CAB39L: variants seen among roughly 807,000 people sequenced by gnomAD.
CAB39L encodes calcium-binding protein 39-like.
CAB39L carries 23 observed loss-of-function variants against 39.1 expected under a neutral mutation model. The observed-to-expected ratio is 0.59, with a 90% CI of 0.42 to 0.83. CAB39L has a LOEUF of 0.83. Among genes scored for constraint, CAB39L ranks in the 40% least tolerant of loss-of-function variants. The pLI is 0.00. For synonymous variants in CAB39L, 126 were observed against 137.2 expected (o/e 0.92, Z 0.57); for missense variants, 366 against 391.9 (o/e 0.93, Z 0.56).
chr13:49,338,998 T>C (rs572457555), intron 9 of CAB39L, among the ~76,000 whole-genome samples: 33 of 152,224 alleles, frequency 2.2e-4, no homozygotes, highest in African/African-American at 7.9e-4. Flanking sequence ...CCCCATAACA[T>C]TTCAACTATA....
In CAB39L at chr13:49,433,405, A is replaced by T. The variant is rs1400012924; in HGVS notation, c.-107-12T>A. ...GATCACCACAGCTTCTGACAAAAAG[A>T]AAAGCTTTAAAATTAATTTTTAAAG... On this transcript the variant is annotated splice_polypyrimidine_tract_variant and intron_variant, in intron 2 of 10. Transcript: ENST00000409308. 1 of 449,798 alleles carries T rather than the reference A, an allele frequency of 2.2e-6. No homozygotes were observed. Among genetic ancestry groups the T allele is most frequent in the Non-Finnish European group, 4.4e-6 (1 of 225,276 alleles). 27.9% of individuals were successfully genotyped at this position (449,798 alleles called of 1,614,324 possible).
chr13:49,378,609 G>A (rs1956165920), intron 4 of CAB39L, among the ~76,000 whole-genome samples: 1 of 71,426 alleles, frequency 1.4e-5, no homozygotes. Flanking sequence ...CCTCCGCCCG[G>A]CCAGCCGCCC....
At chr13:49,351,716 G>T (rs756703352) in intron 6 of CAB39L, among the ~76,000 whole-genome samples, 45 of 152,202 alleles carry the variant, frequency 3.0e-4, no homozygotes, top group Non-Finnish European at 5.1e-4. Context: ...CGGGGGCTTG[G>T]CCTGGGGTGG....
chr13:49,325,147 T>C (rs775422160), intron 10 of CAB39L, among the ~76,000 whole-genome samples: 6 of 152,230 alleles, frequency 3.9e-5, no homozygotes, highest in Non-Finnish European at 7.3e-5. Context: ...GTTGATTGTT[T>C]TATGAATTTT....
intron 3 of CAB39L, among the ~76,000 whole-genome samples, chr13:49,405,757 G>C (rs9535224): frequency 0.32 from 40,779 of 126,376 alleles, 7,318 homozygotes; most frequent in Middle Eastern, 0.44. Flanking sequence ...AAGGGAGGGA[G>C]GGACGGAGGG....
At chr13:49,326,385 A>G (rs1954497278) in intron 10 of CAB39L, among the ~76,000 whole-genome samples, 1 of 152,176 alleles carries the variant, frequency 6.6e-6, no homozygotes, top group Non-Finnish European at 1.5e-5. Context: ...AGACAGAACA[A>G]AGACCTTGCT....
rs974293363 is a variant in CAB39L at position 49,312,307 on chromosome 13, G to A, written c.835-1314C>T. Among the ~76,000 whole-genome samples, 78 of 152,096 alleles carry A rather than the reference G, an allele frequency of 5.1e-4. 2 individuals carry two copies. On this transcript the variant is annotated intron_variant, in intron 10 of 10. Coordinates refer to ENST00000409308, the MANE Select transcript of CAB39L (RefSeq NM_001079670.3). ...GTGTACGGTAATGTCCTAGGCCTTCGCATTCACTCACCATTCAATCCCTGA... is the reference window on the plus strand; with the variant it reads ...GTGTACGGTAATGTCCTAGGCCTTCACATTCACTCACCATTCAATCCCTGA...
chr13:49,312,336 C>T (rs563955278), intron 10 of CAB39L, among the ~76,000 whole-genome samples: 17 of 152,194 alleles, frequency 1.1e-4, no homozygotes, highest in South Asian at 6.2e-4. Flanking sequence ...TCCCTGACTC[C>T]CCCAGAGCAA....
chr13:49,357,775 ACTC>A (rs1048800136), intron 6 of CAB39L, among the ~76,000 whole-genome samples: 8 of 151,942 alleles, frequency 5.3e-5, no homozygotes, highest in Non-Finnish European at 1.0e-4. Flanking sequence ...TGCCACCAGA[ACTC>A]CTCATGTCTA....
At position 49,332,097 on chromosome 13, in the gene CAB39L, G is replaced by A. The variant is rs779866530; in HGVS notation, c.691-7C>T. ...GGATCAGCTCCCCTAGCAGCTAGAG[G>A]AAAACACAAAACCAAAGCTGTAATC... On this transcript the variant is annotated splice_region_variant and splice_polypyrimidine_tract_variant and intron_variant, in intron 9 of 10. Coordinates refer to ENST00000409308, the MANE Select transcript of CAB39L (RefSeq NM_001079670.3). The A allele has an allele frequency of 6.2e-7, 1 of 1,612,438 alleles. No homozygotes were observed. The highest frequency in any genetic ancestry group is 2.2e-5 in the East Asian group (1 of 44,852).
At chr13:49,369,052 T>C (rs1277172673) in intron 5 of CAB39L, among the ~76,000 whole-genome samples, 1 of 152,148 alleles carries the variant, frequency 6.6e-6, no homozygotes, top group Non-Finnish European at 1.5e-5. Context: ...AGAAGAGATA[T>C]GGTAGCAAAA....
intron 10 of CAB39L, among the ~76,000 whole-genome samples, chr13:49,329,137 A>G (rs984657036): frequency 1.3e-5 from 2 of 151,654 alleles, no homozygotes; most frequent in African/African-American, 2.4e-5. Flanking sequence ...TGGGCCCTCT[A>G]CTCTGTTTTG....
At chr13:49,407,343 T>G (rs921639022) in intron 3 of CAB39L, among the ~76,000 whole-genome samples, 1 of 152,194 alleles carries the variant, frequency 6.6e-6, no homozygotes, top group African/African-American at 2.4e-5. Flanking sequence ...TTATTGAGTG[T>G]TGTAAGGCTT....
At chr13:49,425,319 A>G (rs990248849) in intron 3 of CAB39L, among the ~76,000 whole-genome samples, 1 of 152,184 alleles carries the variant, frequency 6.6e-6, no homozygotes, top group African/African-American at 2.4e-5. Flanking sequence ...TGCAATCAAT[A>G]AAACAAAAAT....
At chr13:49,329,542 AAAAT>A (rs1277733325) in intron 10 of CAB39L, among the ~76,000 whole-genome samples, 3 of 38,412 alleles carry the variant, frequency 7.8e-5, no homozygotes, top group Non-Finnish European at 1.3e-4. Context: ...ATTAAAAAAA[AAAAT>A]ATATATATAT....
chr13:49,329,091 C>T (rs965965521), intron 10 of CAB39L, among the ~76,000 whole-genome samples: 61 of 152,256 alleles, frequency 4.0e-4, no homozygotes, highest in African/African-American at 1.5e-3. Context: ...CCTCCATGAT[C>T]AAATATCAAG....
intron 10 of CAB39L, 112 bp from the exon 11 acceptor site, chr13:49,311,105 ATAT>A (rs745503694): frequency 1.2e-6 from 1 of 839,192 alleles, no homozygotes. Flanking sequence ...TGCGTGACTG[ATAT>A]TATTAATGCG....
chr13:49,396,155 G>A (rs1432542480), intron 3 of CAB39L, among the ~76,000 whole-genome samples: 10 of 151,136 alleles, frequency 6.6e-5, no homozygotes, highest in Non-Finnish European at 1.5e-4. Context: ...CAGGAAAACT[G>A]AAGGGAGTGG....
intron 10 of CAB39L, among the ~76,000 whole-genome samples, chr13:49,321,986 C>T (rs1019103792): frequency 1.3e-5 from 2 of 152,076 alleles, no homozygotes; most frequent in Non-Finnish European, 2.9e-5. Context: ...TTAAAAACAG[C>T]TTTATTAAAA....
Sources: allele counts gnomAD v4.1 joint callset (sites outside exome capture counted in the v4.1 genomes callset), GRCh38; gene constraint gnomAD v4.1.1; transcripts MANE v1.5; gene names NCBI Gene and HGNC (gene_info 2026-07-23, HGNC 2026-07-21).